Variants in PHF1 observed in about 807,000 individuals in gnomAD.
PHF1 encodes polycomb-like 1.
Under a neutral mutation model 69.4 loss-of-function variants are expected in PHF1, and 16 were observed. That is an observed-to-expected ratio of 0.23 (90% CI 0.16 to 0.35). The LOEUF is 0.35. Among genes scored for constraint, PHF1 ranks in the 10% least tolerant of loss-of-function variants. The pLI is 1.00. For missense variants in PHF1, 515 were observed against 732.8 expected (o/e 0.70, Z 3.43); for synonymous variants, 274 against 275.0 (o/e 1.00, Z 0.04).
At chr6:33,415,416 C>CT in intron 13 of PHF1, 87 bp downstream of exon 13, 6 of 1,286,652 alleles carry the variant, frequency 4.7e-6, no homozygotes, top group Non-Finnish European at 6.7e-6. Flanking sequence ...TCTTTTCCCT[C>CT]TCCCCCTTGG....
At chr6:33,413,938 C>T in intron 7 of PHF1, 103 bp from the exon 8 acceptor site, 1 of 1,534,968 alleles carries the variant, frequency 6.5e-7, no homozygotes, top group Non-Finnish European at 9.0e-7. Context: ...CCAACCTCTG[C>T]AGCGTTACCT....
intron 1 of PHF1, among the ~76,000 whole-genome samples, chr6:33,411,900 C>G (rs993382639): frequency 2.0e-5 from 3 of 152,158 alleles, no homozygotes; most frequent in African/African-American, 7.2e-5. Flanking sequence ...CGGTGGCTCA[C>G]GCCTGTAATC....
chr6:33,412,906 C>T lies in PHF1; in HGVS notation c.337+113C>T, dbSNP rs1776184322. 1.1e-6 allele frequency: 1 copy of T among 921,780 alleles called. No individual in the cohort carries two copies. 57.1% of individuals were successfully genotyped at this position (921,780 alleles called of 1,614,324 possible). On this transcript the variant is annotated intron_variant, in intron 4 of 14. Transcript: ENST00000374516. This position sits in a 1 kb window ranked among gnomAD's most constrained non-coding sequence, Gnocchi z 4.2. ...CCACTGCTCTGGCCAGGCTGCTTAGCCTTATCTTAGTCCTCATCCGCTTTC... is the reference window on the plus strand; with the variant it reads ...CCACTGCTCTGGCCAGGCTGCTTAGTCTTATCTTAGTCCTCATCCGCTTTC...
intron 13 of PHF1, 71 bp from the exon 14 acceptor site, chr6:33,415,519 T>C (rs1776402367): frequency 1.3e-6 from 2 of 1,498,906 alleles, no homozygotes; most frequent in Non-Finnish European, 9.3e-7. Flanking sequence ...GTGTTTGAGC[T>C]CTGCACTTCC....
intron 14 of PHF1, 26 bp from the exon 15 acceptor site, chr6:33,415,784 T>C: frequency 6.3e-7 from 1 of 1,596,362 alleles, no homozygotes; most frequent in Non-Finnish European, 8.6e-7. Flanking sequence ...TTCTGCCCAT[T>C]TCTTACAATT....
upstream of PHF1, chr6:33,410,706 A>G (rs1238187559): frequency 8.6e-5 from 2 of 23,294 alleles, no homozygotes; most frequent in African/African-American, 3.7e-4. Flanking sequence ...CGGATGTGGC[A>G]TGGGGCGGGG....
Position 33,414,155 on chromosome 6 carries a change from A to G in PHF1, c.752+46A>G. On this transcript the variant is annotated intron_variant, in intron 8 of 14. Coordinates refer to ENST00000374516, the MANE Select transcript of PHF1 (RefSeq NM_024165.3). The surrounding 1 kb of genome is among the most constrained non-coding windows in gnomAD (Gnocchi z 5.0). ...CCTCAGTGTAACTCCACACCACAGT[A>G]TTTCACTCTATATGCCCCAACCTCC... is the stretch of plus-strand genomic sequence containing the variant. 4 of 1,613,520 alleles carry G rather than the reference A, an allele frequency of 2.5e-6. No individual in the cohort carries two copies. The highest frequency in any genetic ancestry group is 3.4e-6 in the Non-Finnish European group (4 of 1,179,672).
At position 33,415,530 on chromosome 6, in the gene PHF1, CA is replaced by C. The variant is rs1207660990; in HGVS notation, c.1335-59del. 3 of 1,553,458 alleles carry C rather than the reference CA, an allele frequency of 1.9e-6. No individual in the cohort carries two copies. The African/African-American group carries it at 4.1e-5, about 21-fold the overall frequency. On this transcript the variant is annotated intron_variant, in intron 13 of 14. Coordinates refer to ENST00000374516, the MANE Select transcript of PHF1 (RefSeq NM_024165.3). ...GGTAGTGTTTGAGCTCTGCACTTCC[CA>C]GGGGGAGAAGGTCCTGTTCCCCTGC...
chr6:33,412,141 G>A lies in PHF1; in HGVS notation c.-16-107G>A, dbSNP rs567899409. The A allele has an allele frequency of 4.5e-5, 38 of 847,878 alleles. No individual in the cohort carries two copies. The highest frequency in any genetic ancestry group is 7.3e-4 in the Middle Eastern group (2 of 2,744). The allele number at this position is 847,878 out of a possible 1,614,324, so 52.5% of individuals were successfully genotyped here. On this transcript the variant is annotated intron_variant, in intron 1 of 14. Coordinates refer to ENST00000374516, the MANE Select transcript of PHF1 (RefSeq NM_024165.3). The surrounding 1 kb of genome is among the most constrained non-coding windows in gnomAD (Gnocchi z 4.2). ...TGTGCCACTGCACTCTGGCCTGGGC[G>A]ACAGAGCAAAACTCCATCTCAGGAA... is the stretch of plus-strand genomic sequence containing the variant.
rs769711852 is a variant in PHF1 at position 33,415,643 on chromosome 6, C to A, written c.1388C>A (p.Thr463Asn). 3 of 1,613,942 alleles carry A rather than the reference C, an allele frequency of 1.9e-6. No individual in the cohort carries two copies. Reference sequence around the variant, plus strand: ...CACCCTTCTGCCAGCACCGCAGGGACCTCTGGGGACAGTGGACCCCCAGAC... The same window carrying A: ...CACCCTTCTGCCAGCACCGCAGGGAACTCTGGGGACAGTGGACCCCCAGAC... ...SFHPSASTAGTSGDSGPPDRS... is the reference protein window; with the variant it reads ...SFHPSASTAGNSGDSGPPDRS... Residue 463 changes from threonine (T) to asparagine (N), a missense_variant, in exon 14 of 15, where the codon ACC becomes AAC. Physicochemically the swap from Thr to Asn is moderately conservative, Grantham distance 65. Coordinates refer to ENST00000374516, the MANE Select transcript of PHF1 (RefSeq NM_024165.3).
chr6:33,415,900 C>T lies in PHF1; in HGVS notation c.1506C>T (p.Ser502=), dbSNP rs200495976. 3.5e-5 allele frequency: 56 copies of T among 1,613,224 alleles called. No homozygotes were observed. Among genetic ancestry groups the T allele is most frequent in the Admixed American group, 6.7e-5 (4 of 59,916 alleles). Reference sequence around the variant, plus strand: ...CTGCCTCATCTTCCTCAGTTTCATCCCCATCCCCAGGTCTTCCTAGACGCT... The same window carrying T: ...CTGCCTCATCTTCCTCAGTTTCATCTCCATCCCCAGGTCTTCCTAGACGCT... ...SMTASSSSVS[S]PSPGLPRRSA... The change falls in exon 15 of 15, where the codon TCC becomes TCT. Residue 502 remains serine, a synonymous_variant. Coordinates refer to ENST00000374516, the MANE Select transcript of PHF1 (RefSeq NM_024165.3).
intron 1 of PHF1, among the ~76,000 whole-genome samples, chr6:33,411,720 T>TA (rs1488266920): frequency 6.6e-6 from 1 of 151,956 alleles, no homozygotes; most frequent in African/African-American, 2.4e-5. Flanking sequence ...GGAGGGCTGT[T>TA]AGTTACCGAG....
rs1468973084 is a variant in PHF1 at position 33,413,423 on chromosome 6, G to A, written c.453G>A (p.Leu151=). 1.9e-6 allele frequency: 3 copies of A among 1,614,072 alleles called. No individual in the cohort carries two copies. The African/African-American group carries it at 4.0e-5, about 22-fold the overall frequency. ...TGTCTCTGCAGAGGGGAGGTGCCCTGAAGAAGGGCCCCTATGCCCGGGCCA... is the reference window on the plus strand; with the variant it reads ...TGTCTCTGCAGAGGGGAGGTGCCCTAAAGAAGGGCCCCTATGCCCGGGCCA... The part of the protein sequence containing the change: ...FAIATKRGGA[L]KKGPYARAML... Residue 151 remains leucine (L), a synonymous_variant, in exon 6 of 15, where the codon CTG becomes CTA. Coordinates refer to ENST00000374516, the MANE Select transcript of PHF1 (RefSeq NM_024165.3).
Position 33,416,126 on chromosome 6 carries a change from T to TCA in PHF1, c.*36_*37dup. The TCA allele has an allele frequency of 1.3e-6, 2 of 1,508,708 alleles. No homozygotes were observed. The highest frequency in any genetic ancestry group is 1.8e-6 in the Non-Finnish European group (2 of 1,131,684). The allele number at this position is 1,508,708 out of a possible 1,614,324, so 93.5% of individuals were successfully genotyped here. ...AGCCTGCCTCTGCCCAGCTCCCCAT[T>TCA]CACACACACCGGCACTTTCATACCC... On this transcript the variant is annotated 3_prime_UTR_variant, in exon 15 of 15. Transcript: ENST00000374516.
Position 33,413,849 on chromosome 6 carries a change from T to C in PHF1, c.683+18T>C. ...GGGGACAGGTGAGACCAAGGCAGAC[T>C]CTCTAGGAGCCAAGGATGCCCTCTT... On this transcript the variant is annotated intron_variant, in intron 7 of 14. Transcript: ENST00000374516. The C allele has an allele frequency of 6.2e-7, 1 of 1,605,518 alleles. No homozygotes were observed. The highest frequency in any genetic ancestry group is 8.5e-7 in the Non-Finnish European group (1 of 1,172,974).
At position 33,412,902 on chromosome 6, in the gene PHF1, T is replaced by G; in HGVS notation, c.337+109T>G. The G allele has an allele frequency of 2.1e-6, 2 of 949,174 alleles. No homozygotes were observed. The highest frequency in any genetic ancestry group is 3.9e-5 in the Admixed American group (2 of 51,594). 58.8% of individuals were successfully genotyped at this position (949,174 alleles called of 1,614,324 possible). A position where few individuals can be genotyped will look rare whatever the true frequency, so the allele number is the denominator to read the frequency against. ...CAAGCCACTGCTCTGGCCAGGCTGCTTAGCCTTATCTTAGTCCTCATCCGC... is the reference window on the plus strand; with the variant it reads ...CAAGCCACTGCTCTGGCCAGGCTGCGTAGCCTTATCTTAGTCCTCATCCGC... On this transcript the variant is annotated intron_variant, in intron 4 of 14. Transcript: ENST00000374516. This position sits in a 1 kb window ranked among gnomAD's most constrained non-coding sequence, Gnocchi z 4.2.
intron 1 of PHF1, among the ~76,000 whole-genome samples, chr6:33,411,943 A>G (rs1776094372): frequency 6.6e-6 from 1 of 152,182 alleles, no homozygotes. Flanking sequence ...TGGGTGGATC[A>G]TGAGGTCAGG....
Position 33,416,245 on chromosome 6 carries a change from G to A in PHF1, c.*147G>A. The A allele has an allele frequency of 1.7e-6, 1 of 588,594 alleles. No individual in the cohort carries two copies. Among genetic ancestry groups the A allele is most frequent in the Non-Finnish European group, 2.8e-6 (1 of 361,918 alleles). The allele number at this position is 588,594 out of a possible 1,614,324, so 36.5% of individuals were successfully genotyped here. A position where few individuals can be genotyped will look rare whatever the true frequency, so the allele number is the denominator to read the frequency against. On this transcript the variant is annotated 3_prime_UTR_variant, in exon 15 of 15. Transcript: ENST00000374516. ...GGCTGGAATCCAAGAGTGGGGAGTG[G>A]GGAAGAGGCCCTCTTCTCTACCCTC...
In PHF1 at chr6:33,415,072, A is replaced by T; in HGVS notation, c.1167A>T (p.Pro389=). The T allele has an allele frequency of 6.2e-7, 1 of 1,611,442 alleles. No individual in the cohort carries two copies. Among genetic ancestry groups the T allele is most frequent in the Non-Finnish European group, 8.5e-7 (1 of 1,178,842 alleles). Residue 389 remains proline, a synonymous_variant, in exon 12 of 15, where the codon CCA becomes CCT. Coordinates refer to ENST00000374516, the MANE Select transcript of PHF1 (RefSeq NM_024165.3). ...AGGGGAAAGTGGAGGAGCTGGGGCC[A>T]CCCTCAGCAGTGCGCAATCAGCCCG... ...RQKGKVEELG[P]PSAVRNQPEP...
Sources: allele counts gnomAD v4.1 joint callset (sites outside exome capture counted in the v4.1 genomes callset), GRCh38; gene constraint gnomAD v4.1.1; non-coding constraint Gnocchi (gnomAD v3.1); transcripts MANE v1.5; gene names NCBI Gene and HGNC (gene_info 2026-07-23, HGNC 2026-07-21).